Variants in SP140 observed in about 807,000 individuals in gnomAD.
The protein encoded by SP140 is SP140 nuclear body protein, also known as nuclear body protein SP140.
A neutral mutation model predicts 125.0 loss-of-function variants in SP140; 81 were observed. The observed-to-expected ratio is 0.65, with a 90% CI of 0.54 to 0.78. The LOEUF (loss-of-function observed/expected upper bound fraction) is 0.78, where lower values mean the gene tolerates loss of function less well. Ranked by LOEUF, SP140 falls within the 30% of genes least tolerant of loss-of-function variation. The pLI, the probability that SP140 is intolerant of heterozygous loss-of-function variation, is 0.00. For synonymous variants in SP140, 312 were observed against 354.0 expected (o/e 0.88, Z 1.33); for missense variants, 858 against 1,037.0 (o/e 0.83, Z 2.37).
chr2:230,189,635 T>C, the SP140 span, among the ~76,000 whole-genome samples: 116,684 of 152,092 alleles, frequency 0.77, 44,880 homozygotes, highest in Admixed American at 0.83. Flanking sequence ...TACATAGGTA[T>C]GCATGTGCCA....
chr2:230,287,869 A>G (rs2056590882), intron 17 of SP140, 23 bp from the exon 18 acceptor site: 1 of 1,588,844 alleles, frequency 6.3e-7, no homozygotes, highest in Non-Finnish European at 8.6e-7. Context: ...AATGACTGTG[A>G]TTATATTATT....
chr2:230,205,189 A>G (rs2043631006), intron 1 of SP140, among the ~76,000 whole-genome samples: 1 of 152,192 alleles, frequency 6.6e-6, no homozygotes, highest in Non-Finnish European at 1.5e-5. Context: ...ACGGATGACT[A>G]AGGTTTTTGC....
chr2:230,282,618 T>C (rs6734941), intron 15 of SP140, among the ~76,000 whole-genome samples: 89,696 of 150,688 alleles, frequency 0.6, 27,034 homozygotes, highest in South Asian at 0.69. Flanking sequence ...GACAACATAG[T>C]GAGACCCCGT....
chr2:230,198,435 G>A (rs1470150950), upstream of SP140, among the ~76,000 whole-genome samples: 2 of 152,180 alleles, frequency 1.3e-5, no homozygotes, highest in African/African-American at 4.8e-5. Context: ...TGGGCAGGGT[G>A]AGCACTGCTA....
At chr2:230,227,712 G>C (rs990806431) in intron 1 of SP140, among the ~76,000 whole-genome samples, 6 of 152,192 alleles carry the variant, frequency 3.9e-5, no homozygotes, top group African/African-American at 1.4e-4. Context: ...TGTAGGTGTA[G>C]AGTCCATAGT....
intron 3 of SP140, among the ~76,000 whole-genome samples, chr2:230,239,268 A>G (rs958260662): frequency 6.6e-6 from 1 of 152,192 alleles, no homozygotes; most frequent in Non-Finnish European, 1.5e-5. Flanking sequence ...CACCACTCTC[A>G]GTCCTGAATG....
intron 18 of SP140, among the ~76,000 whole-genome samples, chr2:230,289,180 T>C (rs1411347007): frequency 6.6e-6 from 1 of 152,224 alleles, no homozygotes; most frequent in African/African-American, 2.4e-5. Context: ...TGAGATGGTA[T>C]CTCATTGTGG....
At chr2:230,198,627 C>T (rs1242680216), upstream of SP140, among the ~76,000 whole-genome samples, 1 of 152,020 alleles carries the variant, frequency 6.6e-6, no homozygotes, top group Non-Finnish European at 1.5e-5. Context: ...TGGAGTCTTG[C>T]TCTGTTGCCC....
chr2:230,272,297 G>T (rs999897500), intron 15 of SP140, among the ~76,000 whole-genome samples: 2 of 152,132 alleles, frequency 1.3e-5, no homozygotes, highest in Non-Finnish European at 2.9e-5. Context: ...GAGATATCAT[G>T]CTACCCAATT....
At chr2:230,302,274 C>T (rs1445487693) in intron 22 of SP140, among the ~76,000 whole-genome samples, 2 of 151,762 alleles carry the variant, frequency 1.3e-5, no homozygotes, top group African/African-American at 4.8e-5. Flanking sequence ...GGCACCTGTA[C>T]TCCCAGCTAC....
At chr2:230,214,865 G>A in intron 3 of SP140, 1 of 1,111,192 alleles carries the variant, frequency 9.0e-7, no homozygotes. Context: ...GGATTAACGT[G>A]CATATTCCAC....
intron 22 of SP140, among the ~76,000 whole-genome samples, chr2:230,297,976 T>C (rs937827860): frequency 6.6e-6 from 1 of 152,206 alleles, no homozygotes; most frequent in African/African-American, 2.4e-5. Context: ...ATTAGCCCTG[T>C]AAAGGAGTAC....
chr2:230,205,645 G>C (rs567114250), intron 1 of SP140, among the ~76,000 whole-genome samples: 1 of 152,118 alleles, frequency 6.6e-6, no homozygotes, highest in South Asian at 2.1e-4. Flanking sequence ...TATACAGTTA[G>C]TGCTCACTGC....
Position 230,285,763 on chromosome 2 carries a change from G to T in SP140, c.1576G>T (p.Ala526Ser). The stretch of plus-strand genomic sequence containing the variant: ...CTGCCTATCCCCAGATAATAGCAAA[G>T]CCGACGGCCAGGTGGTCTCCAGTGA... ...ENSQQNDNSKADGQVVSSEKK... is the reference protein window; with the variant it reads ...ENSQQNDNSKSDGQVVSSEKK... Residue 526 changes from alanine (A) to serine (S), a missense_variant, in exon 17 of 27, where the codon GCC becomes TCC. Around this residue, in one of 4 missense-constraint regions of SP140, gnomAD observed 791 missense variants for 869.5 expected, o/e 0.91. Coordinates refer to ENST00000392045, the MANE Select transcript of SP140 (RefSeq NM_007237.5). 1 of 1,613,622 alleles carries T rather than the reference G, an allele frequency of 6.2e-7. No individual in the cohort carries two copies. Among genetic ancestry groups the T allele is most frequent in the Non-Finnish European group, 8.5e-7 (1 of 1,179,574 alleles).
chr2:230,226,088 C>T (rs557876723), intron 1 of SP140, among the ~76,000 whole-genome samples, 185 bp downstream of exon 1: 11 of 152,254 alleles, frequency 7.2e-5, no homozygotes, highest in African/African-American at 2.2e-4. Context: ...TCAAGGATGC[C>T]GTGACTCACA....
intron 21 of SP140, among the ~76,000 whole-genome samples, chr2:230,296,672 A>G (rs2057764622): frequency 6.6e-6 from 1 of 152,186 alleles, no homozygotes; most frequent in African/African-American, 2.4e-5. Flanking sequence ...GGACACTTGC[A>G]TGGCCTCTAG....
chr2:230,294,333 G>C lies in SP140; in HGVS notation c.2016+15G>C, dbSNP rs377655036. On this transcript the variant is annotated intron_variant, in intron 21 of 26. Transcript: ENST00000392045. ...GGAAAAAAAAGGTGATTATTACATA[G>C]CTTTATACAGCTTCTTGTCACATAA... 6.3e-7 allele frequency: 1 copy of C among 1,578,738 alleles called. No homozygotes were observed. The highest frequency in any genetic ancestry group is 8.7e-7 in the Non-Finnish European group (1 of 1,148,390).
intron 22 of SP140, among the ~76,000 whole-genome samples, chr2:230,309,401 T>C (rs1239718615): frequency 1.3e-5 from 2 of 152,152 alleles, no homozygotes; most frequent in African/African-American, 4.8e-5. Context: ...GAGGTCGGCG[T>C]AGAGCCCTCC....
At chr2:230,210,475 G>A (rs1022704172) in intron 1 of SP140, among the ~76,000 whole-genome samples, 1 of 152,146 alleles carries the variant, frequency 6.6e-6, no homozygotes, top group Non-Finnish European at 1.5e-5. Context: ...ACATCTTATT[G>A]CTTTGACGTC....
Sources: gnomAD v4.1 joint callset for allele counts (sites outside exome capture counted in the v4.1 genomes callset) on GRCh38, gnomAD v4.1.1 for gene constraint, gnomAD v4.1.1 regional missense constraint, MANE v1.5 for transcripts, NCBI Gene and HGNC (gene_info 2026-07-23, HGNC 2026-07-21) for gene names.